Variants in NNT observed in about 807,000 individuals in gnomAD.
NNT encodes nicotinamide nucleotide transhydrogenase.
A neutral mutation model predicts 104.8 loss-of-function variants in NNT; 50 were observed. The observed-to-expected ratio is 0.48, with a 90% CI of 0.38 to 0.60. The LOEUF (loss-of-function observed/expected upper bound fraction) is 0.60, where lower values mean the gene tolerates loss of function less well. Among genes scored for constraint, NNT ranks in the 20% least tolerant of loss-of-function variants. The pLI is 0.00. For synonymous variants in NNT, 461 were observed against 490.4 expected (o/e 0.94, Z 0.79); for missense variants, 1,131 against 1,330.7 (o/e 0.85, Z 2.33).
intron 19 of NNT, among the ~76,000 whole-genome samples, chr5:43,698,554 T>G (rs950504818): frequency 6.6e-6 from 1 of 152,164 alleles, no homozygotes; most frequent in African/African-American, 2.4e-5. Context: ...ACTGTATGTA[T>G]AGCTCACATT....
chr5:43,623,811 C>G (rs887133902), intron 5 of NNT, among the ~76,000 whole-genome samples: 3 of 152,152 alleles, frequency 2.0e-5, no homozygotes, highest in African/African-American at 7.2e-5. Flanking sequence ...TTGGCCTTTG[C>G]TAGCAGTTGT....
chr5:43,665,653 C>T (rs1740607845), intron 17 of NNT, among the ~76,000 whole-genome samples: 1 of 152,070 alleles, frequency 6.6e-6, no homozygotes. Flanking sequence ...GACACAGTAA[C>T]AATCTGATCT....
At chr5:43,669,231 G>A (rs992502187) in intron 17 of NNT, among the ~76,000 whole-genome samples, 47 of 152,036 alleles carry the variant, frequency 3.1e-4, no homozygotes, top group Non-Finnish European at 4.3e-4. Context: ...TGCAAACAGG[G>A]ACAATTTGAC....
chr5:43,649,082 T>C (rs1739610269), intron 10 of NNT, 65 bp from the exon 11 acceptor site: 1 of 1,543,440 alleles, frequency 6.5e-7, no homozygotes, highest in African/African-American at 1.4e-5. Flanking sequence ...TTTATGTATG[T>C]GCTTTTAATC....
chr5:43,665,471 C>T (rs1225655933), intron 17 of NNT, among the ~76,000 whole-genome samples: 3 of 151,996 alleles, frequency 2.0e-5, no homozygotes, highest in Admixed American at 2.0e-4. Context: ...ATCTGTTTAA[C>T]AAAGCACATC....
intron 10 of NNT, among the ~76,000 whole-genome samples, chr5:43,646,694 T>A (rs757794404): frequency 1.3e-4 from 20 of 152,176 alleles, no homozygotes; most frequent in Admixed American, 3.9e-4. Flanking sequence ...AAATATCAGT[T>A]GTGATTATCT....
chr5:43,631,175 A>G (rs1020953400), intron 7 of NNT, among the ~76,000 whole-genome samples: 2 of 152,130 alleles, frequency 1.3e-5, no homozygotes, highest in African/African-American at 2.4e-5. Flanking sequence ...GGAGTCTGAT[A>G]TGGGGGTTTC....
intron 17 of NNT, among the ~76,000 whole-genome samples, chr5:43,665,877 G>T (rs1296613018): frequency 1.3e-5 from 2 of 151,538 alleles, no homozygotes; most frequent in African/African-American, 2.4e-5. Flanking sequence ...CCTGGACGGG[G>T]CGGCTGCCGG....
intron 1 of NNT, among the ~76,000 whole-genome samples, chr5:43,607,001 T>G (rs1380735654): frequency 1.3e-5 from 2 of 152,150 alleles, no homozygotes; most frequent in Admixed American, 6.5e-5. Flanking sequence ...TTTTGTTTTT[T>G]TTTTGAGACA....
intron 10 of NNT, chr5:43,648,032 A>T: frequency 1.7e-6 from 2 of 1,172,044 alleles, no homozygotes; most frequent in Non-Finnish European, 2.3e-6. Flanking sequence ...ACCAGGATTC[A>T]AACCAGACTG....
chr5:43,609,914 G>T (rs1749416571), intron 2 of NNT, among the ~76,000 whole-genome samples: 1 of 152,134 alleles, frequency 6.6e-6, no homozygotes. Flanking sequence ...TCTGTCACCT[G>T]TACTGATGCA....
intron 7 of NNT, among the ~76,000 whole-genome samples, chr5:43,640,479 G>A (rs1269062391): frequency 3.3e-5 from 5 of 152,032 alleles, no homozygotes; most frequent in Non-Finnish European, 7.4e-5. Context: ...AGTTCTCCTA[G>A]TACCAACTTT....
At chr5:43,687,483 T>C (rs1470869097) in intron 19 of NNT, among the ~76,000 whole-genome samples, 3 of 152,152 alleles carry the variant, frequency 2.0e-5, no homozygotes, top group Non-Finnish European at 2.9e-5. Flanking sequence ...TTAATTTTAA[T>C]ACATACTTTG....
At chr5:43,614,722 C>T (rs1749683385) in intron 3 of NNT, among the ~76,000 whole-genome samples, 1 of 152,160 alleles carries the variant, frequency 6.6e-6, no homozygotes, top group African/African-American at 2.4e-5. Flanking sequence ...GTTTACTTGC[C>T]TAAAAGCACT....
At chr5:43,627,722 G>T (rs1174223480) in intron 6 of NNT, among the ~76,000 whole-genome samples, 1 of 151,986 alleles carries the variant, frequency 6.6e-6, no homozygotes, top group African/African-American at 2.4e-5. Context: ...ATTTAATAAG[G>T]ACTGGTTGGG....
chr5:43,614,084 G>T (rs962446949), intron 3 of NNT, among the ~76,000 whole-genome samples: 1 of 152,184 alleles, frequency 6.6e-6, no homozygotes, highest in Non-Finnish European at 1.5e-5. Flanking sequence ...GATATAGCTA[G>T]ATATATAGTA....
intron 7 of NNT, among the ~76,000 whole-genome samples, chr5:43,636,236 C>T (rs866756065): frequency 6.6e-6 from 1 of 152,138 alleles, no homozygotes; most frequent in African/African-American, 2.4e-5. Flanking sequence ...CTTCCATTGG[C>T]GATGCCTCGT....
chr5:43,665,206 T>TTTTATTTA (rs752285609), intron 17 of NNT, among the ~76,000 whole-genome samples: 1 of 149,542 alleles, frequency 6.7e-6, no homozygotes, highest in African/African-American at 2.5e-5. Context: ...TTTTCTGGTA[T>TTTTATTTA]TTTATTTATT....
At chr5:43,652,785 G>T (rs1376198648) in intron 13 of NNT, among the ~76,000 whole-genome samples, 2 of 151,988 alleles carry the variant, frequency 1.3e-5, no homozygotes, top group Non-Finnish European at 2.9e-5. Context: ...CATTTGGTCA[G>T]GTTTAGTATT....
Sources: allele counts gnomAD v4.1 joint callset (sites outside exome capture counted in the v4.1 genomes callset), GRCh38; gene constraint gnomAD v4.1.1; transcripts MANE v1.5; gene names NCBI Gene and HGNC (gene_info 2026-07-23, HGNC 2026-07-21).